DENND1B: variants seen among roughly 807,000 people sequenced by gnomAD.
DENND1B encodes DENN domain containing 1B.
In DENND1B, 59 loss-of-function variants were observed where a neutral mutation model predicts 90.1. That is an observed-to-expected ratio of 0.65 (90% CI 0.53 to 0.81). The LOEUF (loss-of-function observed/expected upper bound fraction) is 0.81, where lower values mean the gene tolerates loss of function less well. Ranked by LOEUF, DENND1B falls within the 40% of genes least tolerant of loss-of-function variation. DENND1B has a pLI of 0.00. For missense variants in DENND1B, 862 were observed against 912.6 expected (o/e 0.94, Z 0.71); for synonymous variants, 337 against 324.6 (o/e 1.04, Z -0.41).
rs1036361491 is a variant in DENND1B, at chr1:197,677,508, C to T, written c.127-3339G>A. Among the ~76,000 whole-genome samples the T allele has an allele frequency of 3.3e-5, 5 of 152,094 alleles. 1 individual carries two copies. Among genetic ancestry groups the T allele is most frequent in the Admixed American group, 3.3e-4 (5 of 15,248 alleles). The stretch of plus-strand genomic sequence containing the variant: ...ACCATGACCCCTCCTTTTCCCTGAC[C>T]CCCACATATAATTAATCACTCACCA... On this transcript the variant is annotated intron_variant, in intron 3 of 22. Coordinates refer to ENST00000620048, the MANE Select transcript of DENND1B (RefSeq NM_001195215.2).
intron 2 of DENND1B, 106 bp downstream of exon 2, chr1:197,772,762 T>C (rs1656782153): frequency 1.1e-6 from 1 of 933,226 alleles, no homozygotes; most frequent in Non-Finnish European, 1.6e-6. Context: ...GAAGGAGAGG[T>C]TGTGGTGAGC....
chr1:197,579,013 A>G lies in DENND1B; in HGVS notation c.1149+4139T>C, dbSNP rs77250191. 5.9e-3 allele frequency among the ~76,000 whole-genome samples: 897 copies of G among 152,282 alleles called. 13 individuals are homozygous for G. The highest frequency in any genetic ancestry group is 0.02 in the African/African-American group (840 of 41,560). ...CTTTTAAAGGCTTTCCGAGTGATTC[A>G]GATAGGTCCACCAATTAGATTATCT... On this transcript the variant is annotated intron_variant, in intron 15 of 22. Transcript: ENST00000620048.
At chr1:197,671,184 A>G (rs1339350655) in intron 5 of DENND1B, among the ~76,000 whole-genome samples, 1 of 152,176 alleles carries the variant, frequency 6.6e-6, no homozygotes, top group Non-Finnish European at 1.5e-5. Context: ...AAGCATTTCT[A>G]AGAAATCCAG....
chr1:197,568,050 G>A (rs1165379260), intron 15 of DENND1B, among the ~76,000 whole-genome samples: 1 of 151,460 alleles, frequency 6.6e-6, no homozygotes, highest in East Asian at 1.9e-4. Context: ...CAGGCAGGGA[G>A]GGAGGGAAGG....
At chr1:197,766,412 C>T (rs1019647733) in intron 2 of DENND1B, among the ~76,000 whole-genome samples, 11 of 152,240 alleles carry the variant, frequency 7.2e-5, no homozygotes, top group Admixed American at 1.3e-4. Context: ...TAATGCAATA[C>T]CTCCTAAACT....
At chr1:197,740,235 G>T (rs1010375545) in intron 2 of DENND1B, among the ~76,000 whole-genome samples, 20 of 152,164 alleles carry the variant, frequency 1.3e-4, no homozygotes, top group Non-Finnish European at 1.5e-5. Flanking sequence ...ACCCTTGAAG[G>T]AGCATGCTTG....
intron 18 of DENND1B, among the ~76,000 whole-genome samples, chr1:197,544,028 T>C: frequency 6.6e-6 from 1 of 152,194 alleles, no homozygotes; most frequent in African/African-American, 2.4e-5. Context: ...TATTGAATTT[T>C]AAAAAATTTA....
At chr1:197,781,478 G>A in the DENND1B span, among the ~76,000 whole-genome samples, 1 of 152,142 alleles carries the variant, frequency 6.6e-6, no homozygotes, top group Non-Finnish European at 1.5e-5. Flanking sequence ...ATCAGGACCT[G>A]CCTTTTAATA....
chr1:197,682,839 T>C (rs1024561872), intron 3 of DENND1B, among the ~76,000 whole-genome samples: 10 of 152,140 alleles, frequency 6.6e-5, no homozygotes, highest in African/African-American at 2.2e-4. Context: ...GATTGAGAAA[T>C]AACCAGGGGA....
At chr1:197,596,709 G>A (rs894349926) in intron 13 of DENND1B, among the ~76,000 whole-genome samples, 2 of 151,660 alleles carry the variant, frequency 1.3e-5, no homozygotes, top group Non-Finnish European at 2.9e-5. Context: ...ATCTATGCAA[G>A]AAGGGTTATT....
At chr1:197,741,245 C>A (rs1017755838) in intron 2 of DENND1B, among the ~76,000 whole-genome samples, 3 of 152,120 alleles carry the variant, frequency 2.0e-5, no homozygotes, top group African/African-American at 7.2e-5. Flanking sequence ...GTACTTCTGA[C>A]ATATCCCAAG....
At chr1:197,613,209 C>T (rs565937892) in intron 11 of DENND1B, among the ~76,000 whole-genome samples, 15 of 150,810 alleles carry the variant, frequency 9.9e-5, no homozygotes, top group Non-Finnish European at 2.1e-4. Flanking sequence ...TACACAGCCA[C>T]CCTGACAGAC....
Position 197,647,106 on chromosome 1 carries a change from C to A in DENND1B, c.456G>T (p.Glu152Asp). The A allele has an allele frequency of 6.9e-7, 1 of 1,459,766 alleles. No individual in the cohort carries two copies. The highest frequency in any genetic ancestry group is 9.0e-7 in the Non-Finnish European group (1 of 1,114,232). The allele number at this position is 1,459,766 out of a possible 1,614,324, so 90.4% of individuals were successfully genotyped here. ...GAACTTGCTCACAGGCAATAAATATCTCTTGGTTCTTATAATACATGAGAG... is the reference window on the plus strand; with the variant it reads ...GAACTTGCTCACAGGCAATAAATATATCTTGGTTCTTATAATACATGAGAG... ...NTPVNLSVNQ[E>D]IFIACEQVLK... Residue 152 changes from glutamate (E) to aspartate (D), a missense_variant, in exon 8 of 23, where the codon GAG (glutamate) becomes GAT (aspartate). By Grantham distance (45) the Glu-to-Asp change is conservative. Coordinates refer to ENST00000620048, the MANE Select transcript of DENND1B (RefSeq NM_001195215.2).
At chr1:197,649,837 A>G (rs1403347513) in intron 7 of DENND1B, among the ~76,000 whole-genome samples, 1 of 152,184 alleles carries the variant, frequency 6.6e-6, no homozygotes, top group Non-Finnish European at 1.5e-5. Flanking sequence ...AGAAACCAAA[A>G]GCAAATGCAA....
chr1:197,707,663 TATATAATATAATA>T lies in DENND1B; in HGVS notation c.126+7355_126+7367del, dbSNP rs1021463561. 5.1e-4 allele frequency among the ~76,000 whole-genome samples: 75 copies of T among 146,450 alleles called. 1 individual carries two copies. In the East Asian group the frequency reaches 0.014, roughly 27 times the overall value. On this transcript the variant is annotated intron_variant, in intron 3 of 22. Transcript: ENST00000620048. ...ATATAATATACATATATTATATACA[TATATAATATAATA>T]ATATAATATAATATAATATAATTAT...
At chr1:197,644,635 C>T (rs1375163580) in intron 9 of DENND1B, among the ~76,000 whole-genome samples, 1 of 152,118 alleles carries the variant, frequency 6.6e-6, no homozygotes, top group African/African-American at 2.4e-5. Context: ...CACCTGAGAG[C>T]TTTGATTATC....
At chr1:197,526,823 G>A (rs1225268570) in intron 20 of DENND1B, among the ~76,000 whole-genome samples, 1 of 152,082 alleles carries the variant, frequency 6.6e-6, no homozygotes, top group East Asian at 1.9e-4. Flanking sequence ...ATAGAATTAT[G>A]TTCTTGAATA....
chr1:197,610,696 A>C (rs1197911323), intron 12 of DENND1B, among the ~76,000 whole-genome samples: 2 of 150,830 alleles, frequency 1.3e-5, no homozygotes, highest in Non-Finnish European at 3.0e-5. Flanking sequence ...ATCTAATAAC[A>C]AATTAAGTAC....
chr1:197,580,095 T>TC (rs1261195702), intron 15 of DENND1B, among the ~76,000 whole-genome samples: 2 of 132,334 alleles, frequency 1.5e-5, no homozygotes, highest in Non-Finnish European at 3.2e-5. Context: ...TTCTTTTTTT[T>TC]TTTTTTTTTT....
Sources: gnomAD v4.1 joint callset for allele counts (sites outside exome capture counted in the v4.1 genomes callset) on GRCh38, gnomAD v4.1.1 for gene constraint, MANE v1.5 for transcripts, NCBI Gene and HGNC (gene_info 2026-07-23, HGNC 2026-07-21) for gene names.